Variants in MRTFA observed in about 807,000 individuals in gnomAD.
The protein encoded by MRTFA is myocardin-related transcription factor A.
Under a neutral mutation model 83.5 loss-of-function variants are expected in MRTFA, and 20 were observed. The ratio of observed to expected loss-of-function variants is 0.24; its 90% CI spans 0.17 to 0.35. MRTFA has a LOEUF of 0.35. Ranked by LOEUF, MRTFA falls within the 10% of genes least tolerant of loss-of-function variation. The pLI is 1.00. For missense variants in MRTFA, 1,200 were observed against 1,224.7 expected, an observed-to-expected ratio of 0.98 and a Z score of 0.30; for synonymous variants, 659 against 541.2, an observed-to-expected ratio of 1.22 and a Z score of -3.02.
chr22:40,422,571 C>A (rs1296646465), intron 9 of MRTFA, among the ~76,000 whole-genome samples: 1 of 152,188 alleles, frequency 6.6e-6, no homozygotes, highest in Admixed American at 6.5e-5. Flanking sequence ...CTCACTGCTC[C>A]CAAGGCCTGA....
intron 2 of MRTFA, among the ~76,000 whole-genome samples, chr22:40,559,976 C>T (rs2055589664): frequency 6.6e-6 from 1 of 152,202 alleles, no homozygotes; most frequent in African/African-American, 2.4e-5. Flanking sequence ...TATCTATACA[C>T]ATACACACAC....
intron 12 of MRTFA, 167 bp from the exon 13 acceptor site, chr22:40,417,660 G>A (rs2052714212): frequency 1.7e-6 from 1 of 603,488 alleles, no homozygotes; most frequent in East Asian, 2.8e-5. Flanking sequence ...TAGGTAGGAA[G>A]GAATACAGGA....
At chr22:40,629,829 G>A (rs1312397274) in intron 1 of MRTFA, among the ~76,000 whole-genome samples, 2 of 148,622 alleles carry the variant, frequency 1.3e-5, no homozygotes, top group Non-Finnish European at 3.0e-5. Flanking sequence ...ACATGCTGTT[G>A]TCCTAGCTAC....
At chr22:40,550,674 A>G (rs1225664522) in intron 3 of MRTFA, among the ~76,000 whole-genome samples, 1 of 152,216 alleles carries the variant, frequency 6.6e-6, no homozygotes, top group African/African-American at 2.4e-5. Flanking sequence ...ACAACATTAT[A>G]TATTGCTTAA....
At chr22:40,497,021 T>C (rs1486443075) in intron 3 of MRTFA, among the ~76,000 whole-genome samples, 2 of 152,250 alleles carry the variant, frequency 1.3e-5, no homozygotes, top group Admixed American at 6.5e-5. Context: ...ACTTACTGTC[T>C]GCCTATCAAG....
intron 1 of MRTFA, among the ~76,000 whole-genome samples, chr22:40,609,794 G>A (rs1269767939): frequency 6.6e-6 from 1 of 152,078 alleles, no homozygotes; most frequent in Non-Finnish European, 1.5e-5. Flanking sequence ...CTGCGCCACT[G>A]CACTCCAGCC....
At chr22:40,434,662 C>T (rs986665007) in intron 5 of MRTFA, among the ~76,000 whole-genome samples, 4 of 152,102 alleles carry the variant, frequency 2.6e-5, no homozygotes, top group African/African-American at 4.8e-5. Context: ...GCGGAGGCTG[C>T]GGTGAACTGA....
chr22:40,473,160 C>G (rs1261063244), intron 3 of MRTFA, among the ~76,000 whole-genome samples: 1 of 151,956 alleles, frequency 6.6e-6, no homozygotes, highest in Admixed American at 6.6e-5. Flanking sequence ...TAAATATTAA[C>G]TGGTTTTTAT....
intron 3 of MRTFA, among the ~76,000 whole-genome samples, chr22:40,489,418 T>C (rs2054232818): frequency 5.9e-5 from 9 of 151,752 alleles, no homozygotes; most frequent in Admixed American, 2.6e-4. Context: ...GTCGTGAACA[T>C]GGTTCTAGCC....
intron 1 of MRTFA, among the ~76,000 whole-genome samples, chr22:40,611,435 T>G (rs1394794745): frequency 6.6e-6 from 1 of 150,690 alleles, no homozygotes; most frequent in Non-Finnish European, 1.5e-5. Flanking sequence ...TGTAGAGACA[T>G]GGTCTTACTG....
At chr22:40,442,711 G>A (rs1001912121) in intron 4 of MRTFA, among the ~76,000 whole-genome samples, 3 of 152,158 alleles carry the variant, frequency 2.0e-5, no homozygotes, top group East Asian at 3.8e-4. Context: ...TTAAGGTGCT[G>A]TAAAGGACAA....
chr22:40,621,496 A>G (rs1170367315), intron 1 of MRTFA, among the ~76,000 whole-genome samples: 3 of 152,182 alleles, frequency 2.0e-5, no homozygotes, highest in African/African-American at 7.2e-5. Flanking sequence ...TTTAATGGGT[A>G]TAGAGCTTCA....
In MRTFA at chr22:40,496,701, G is replaced by C. The variant is rs2054361107; in HGVS notation, c.242-33415C>G. Reference sequence around the variant, plus strand: ...TATATATGCACAGGAGAGAGTAGAAGCACAGTCACCAATCTGGGTGGTTGG... The same window carrying C: ...TATATATGCACAGGAGAGAGTAGAACCACAGTCACCAATCTGGGTGGTTGG... On this transcript the variant is annotated intron_variant, in intron 3 of 14. Coordinates refer to ENST00000355630, the MANE Select transcript of MRTFA (RefSeq NM_020831.6). Among the ~76,000 whole-genome samples, 3 of 145,036 alleles carry C rather than the reference G, an allele frequency of 2.1e-5. No individual in the cohort carries two copies. In the South Asian group the frequency reaches 6.8e-4, roughly 33 times the overall value.
chr22:40,431,529 A>G lies in MRTFA; in HGVS notation c.364-49T>C, dbSNP rs1569261163. The G allele has an allele frequency of 3.9e-6, 6 of 1,557,048 alleles. 1 individual carries two copies. The highest frequency in any genetic ancestry group is 5.3e-6 in the Non-Finnish European group (6 of 1,129,000). On this transcript the variant is annotated intron_variant, in intron 5 of 14. Coordinates refer to ENST00000355630, the MANE Select transcript of MRTFA (RefSeq NM_020831.6). ...ACTCTCAAATCCAGGTCACAGGCTTATGGCATGGACAGGATCACAACAGCA... is the reference window on the plus strand; with the variant it reads ...ACTCTCAAATCCAGGTCACAGGCTTGTGGCATGGACAGGATCACAACAGCA...
intron 3 of MRTFA, among the ~76,000 whole-genome samples, chr22:40,480,834 C>T (rs180869192): frequency 0.017 from 2,619 of 150,634 alleles, 31 homozygotes; most frequent in Non-Finnish European, 0.028. Context: ...CTGCAACCTC[C>T]GCCTCCCGGG....
At chr22:40,619,398 T>C (rs1398803793) in intron 1 of MRTFA, among the ~76,000 whole-genome samples, 3 of 152,214 alleles carry the variant, frequency 2.0e-5, no homozygotes, top group Non-Finnish European at 4.4e-5. Context: ...TATTGGAAAC[T>C]AACAGAAAGA....
chr22:40,459,822 C>CATATATATATATATATAT (rs1284924516), intron 4 of MRTFA, among the ~76,000 whole-genome samples: 3 of 68,248 alleles, frequency 4.4e-5, no homozygotes, highest in South Asian at 6.7e-4. Flanking sequence ...CACACACACA[C>CATATATATATATATATAT]ATATATACAT....
chr22:40,442,482 C>G (rs1317102767), intron 4 of MRTFA, among the ~76,000 whole-genome samples: 1 of 152,180 alleles, frequency 6.6e-6, no homozygotes, highest in African/African-American at 2.4e-5. Context: ...ACCCATTTAA[C>G]AAACGAGGTA....
At chr22:40,627,295 G>A (rs1848292662) in intron 1 of MRTFA, among the ~76,000 whole-genome samples, 1 of 151,972 alleles carries the variant, frequency 6.6e-6, no homozygotes, top group African/African-American at 2.4e-5. Flanking sequence ...TTTACTTCTT[G>A]TAGACACACG....
Sources: allele counts gnomAD v4.1 joint callset (sites outside exome capture counted in the v4.1 genomes callset), GRCh38; gene constraint gnomAD v4.1.1; transcripts MANE v1.5; gene names NCBI Gene and HGNC (gene_info 2026-07-23, HGNC 2026-07-21).